Variants in SUPT5H observed in about 807,000 individuals in gnomAD.
SUPT5H encodes the protein transcription elongation factor SPT5.
A neutral mutation model predicts 142.5 loss-of-function variants in SUPT5H; 24 were observed. The ratio of observed to expected loss-of-function variants is 0.17; its 90% confidence interval spans 0.12 to 0.24. The LOEUF is 0.24. Among genes scored for constraint, SUPT5H ranks in the 10% least tolerant of loss-of-function variants. SUPT5H has a pLI of 1.00. For synonymous variants in SUPT5H, 546 were observed against 553.0 expected, an observed-to-expected ratio of 0.99 and a Z score of 0.18; for missense variants, 893 against 1,471.8, an observed-to-expected ratio of 0.61 and a Z score of 6.43.
rs961486634 is a variant in SUPT5H at position 39,470,491 on chromosome 19, G to A, written c.1645G>A (p.Val549Ile). The A allele has an allele frequency of 4.4e-6, 7 of 1,588,660 alleles. No homozygotes were observed. Among genetic ancestry groups the A allele is most frequent in the Non-Finnish European group, 6.0e-6 (7 of 1,167,140 alleles). ...LVQLDPQTVG[V>I]IVRLERETFQ... ...GCAGCTGGATCCCCAGACTGTGGGT[G>A]TCATCGTGCGACTAGAACGGGAGAC... Residue 549 changes from valine (V) to isoleucine (I), a missense_variant, in exon 18 of 30, where the codon GTC becomes ATC. Physicochemically the swap from Val to Ile is conservative, Grantham distance 29 (BLOSUM62 3). This residue lies in a region of SUPT5H where 428 missense variants were observed against 763.5 expected (regional missense o/e 0.56). Transcript: ENST00000432763. This position sits in a 1 kb window ranked among gnomAD's most constrained non-coding sequence, Gnocchi z 5.8.
rs1408492655 is a variant in SUPT5H, at chr19:39,458,284, C to G, written c.308-10C>G. The G allele has an allele frequency of 7.3e-7, 1 of 1,366,888 alleles. No homozygotes were observed. 84.7% of individuals were successfully genotyped at this position (1,366,888 alleles called of 1,614,324 possible). A position where few individuals can be genotyped will look rare whatever the true frequency, so the allele number is the denominator to read the frequency against. On this transcript the variant is annotated splice_polypyrimidine_tract_variant and intron_variant, in intron 4 of 29. Coordinates refer to ENST00000432763, the MANE Select transcript of SUPT5H (RefSeq NM_001111020.3). The surrounding 1 kb of genome is among the most constrained non-coding windows in gnomAD (Gnocchi z 4.2). ...CCACCACCACCACCACCTCCTCTTC[C>G]TCCAAGTAGAAGAGATTGAAGGTAA... is the stretch of plus-strand genomic sequence containing the variant.
chr19:39,458,743 C>G lies in SUPT5H; in HGVS notation c.320-75C>G, dbSNP rs1306333884. The G allele has an allele frequency of 2.1e-6, 3 of 1,410,800 alleles. No homozygotes were observed. The African/African-American group carries it at 4.3e-5, about 20-fold the overall frequency. The allele number at this position is 1,410,800 out of a possible 1,614,324, so 87.4% of individuals were successfully genotyped here. On this transcript the variant is annotated intron_variant, in intron 5 of 29. Coordinates refer to ENST00000432763, the MANE Select transcript of SUPT5H (RefSeq NM_001111020.3). The surrounding 1 kb of genome is among the most constrained non-coding windows in gnomAD (Gnocchi z 4.2). ...CAGGGCCAAACCCTGGCCCTCTTAG[C>G]TGCACGCTCCTATTTTCTCCAGGCC... is the stretch of plus-strand genomic sequence containing the variant.
chr19:39,471,281 C>G (rs1190264756), intron 18 of SUPT5H, 76 bp from the exon 19 acceptor site: 1 of 1,562,752 alleles, frequency 6.4e-7, no homozygotes, highest in South Asian at 1.1e-5. Context: ...AAGGATTATC[C>G]CACTTTAGGG....
At position 39,476,435 on chromosome 19, in the gene SUPT5H, G is replaced by A. The variant is rs770377847; in HGVS notation, c.*36G>A. ...GCCGGTGGACTTCGTCGGATGAAGAGTGATCCTCCTTCCTTCCCTGGCCCT... is the reference window on the plus strand; with the variant it reads ...GCCGGTGGACTTCGTCGGATGAAGAATGATCCTCCTTCCTTCCCTGGCCCT... On this transcript the variant is annotated 3_prime_UTR_variant, in exon 30 of 30. Transcript: ENST00000432763. 5.6e-6 allele frequency: 9 copies of A among 1,611,988 alleles called. No homozygotes were observed. Among genetic ancestry groups the A allele is most frequent in the Admixed American group, 5.0e-5 (3 of 59,994 alleles).
intron 2 of SUPT5H, among the ~76,000 whole-genome samples, chr19:39,450,463 A>C (rs1272399470): frequency 6.6e-6 from 1 of 152,204 alleles, no homozygotes. Flanking sequence ...TTTTATACAG[A>C]AAACCAGCAT....
In SUPT5H at chr19:39,474,809, C is replaced by A. The variant is rs117530152; in HGVS notation, c.3024+91C>A. 431 of 1,392,582 alleles carry A rather than the reference C, an allele frequency of 3.1e-4. 4 individuals are homozygous for A. In the East Asian group the frequency reaches 0.011, roughly 35 times the overall value. The allele number at this position is 1,392,582 out of a possible 1,614,324, so 86.3% of individuals were successfully genotyped here. ...AGACCTGTCCCCAGATGGTGACAGCCCAGAGTGGGCAGAGCTGGGATTGAG... is the reference window on the plus strand; with the variant it reads ...AGACCTGTCCCCAGATGGTGACAGCACAGAGTGGGCAGAGCTGGGATTGAG... On this transcript the variant is annotated intron_variant, in intron 28 of 29. Coordinates refer to ENST00000432763, the MANE Select transcript of SUPT5H (RefSeq NM_001111020.3). The surrounding 1 kb of genome is among the most constrained non-coding windows in gnomAD (Gnocchi z 6.5).
Position 39,474,967 on chromosome 19 carries a change from A to G in SUPT5H, c.3024+249A>G, listed in dbSNP as rs1001804768. ...CCTGACAAATGAATAGGAGTAAGCT[A>G]AGGAAAGTGACTGGGGTGAGTGAGT... On this transcript the variant is annotated intron_variant, in intron 28 of 29. Transcript: ENST00000432763. The surrounding 1 kb of genome is among the most constrained non-coding windows in gnomAD (Gnocchi z 6.5). 5.5e-5 allele frequency: 31 copies of G among 568,516 alleles called. No homozygotes were observed. Among genetic ancestry groups the G allele is most frequent in the African/African-American group, 5.3e-4 (28 of 53,244 alleles). 35.2% of individuals were successfully genotyped at this position (568,516 alleles called of 1,614,324 possible). A position where few individuals can be genotyped will look rare whatever the true frequency, so the allele number is the denominator to read the frequency against.
intron 3 of SUPT5H, among the ~76,000 whole-genome samples, chr19:39,454,353 GT>G (rs2079059077): frequency 7.1e-6 from 1 of 140,880 alleles, no homozygotes; most frequent in Non-Finnish European, 1.5e-5. Flanking sequence ...TGTTGTTGTC[GT>G]TGTTTTTTTT....
At position 39,466,462 on chromosome 19, in the gene SUPT5H, T is replaced by C. The variant is rs2079237651; in HGVS notation, c.877-18T>C. ...GAGGAGAGTGGGGCCCTGCTGACCTTCTGCTCGCCCTGCTCAGGTGGACTA... is the reference window on the plus strand; with the variant it reads ...GAGGAGAGTGGGGCCCTGCTGACCTCCTGCTCGCCCTGCTCAGGTGGACTA... On this transcript the variant is annotated intron_variant, in intron 11 of 29. Transcript: ENST00000432763. The surrounding 1 kb of genome is among the most constrained non-coding windows in gnomAD (Gnocchi z 4.3). The C allele has an allele frequency of 6.2e-7, 1 of 1,613,026 alleles. No homozygotes were observed. Among genetic ancestry groups the C allele is most frequent in the African/African-American group, 1.3e-5 (1 of 75,012 alleles).
intron 10 of SUPT5H, chr19:39,460,259 G>C (rs1324223593): frequency 2.5e-6 from 1 of 395,282 alleles, no homozygotes; most frequent in Non-Finnish European, 4.7e-6. Flanking sequence ...CTGTTCACCA[G>C]CCCTGTTGGG....
At chr19:39,448,248 T>TA (rs2078977628) in intron 2 of SUPT5H, among the ~76,000 whole-genome samples, 1 of 152,226 alleles carries the variant, frequency 6.6e-6, no homozygotes, top group South Asian at 2.1e-4. Flanking sequence ...CCCAGTCACT[T>TA]ATGTTGCCTG....
intron 14 of SUPT5H, 78 bp downstream of exon 14, chr19:39,468,939 A>G (rs967438533): frequency 1.9e-5 from 30 of 1,556,514 alleles, no homozygotes; most frequent in East Asian, 6.7e-5. Context: ...GCTGTGGGTT[A>G]TCTGGTTCTG....
At chr19:39,455,159 G>T (rs2079071199) in intron 3 of SUPT5H, among the ~76,000 whole-genome samples, 1 of 152,184 alleles carries the variant, frequency 6.6e-6, no homozygotes, top group South Asian at 2.1e-4. Flanking sequence ...TTAGGGCCTG[G>T]TTAAACAAAT....
At chr19:39,464,106 C>T (rs985541192) in intron 10 of SUPT5H, among the ~76,000 whole-genome samples, 1 of 151,602 alleles carries the variant, frequency 6.6e-6, no homozygotes, top group Non-Finnish European at 1.5e-5. Context: ...GCCTCAGCCT[C>T]CCGTGTAGCT....
intron 8 of SUPT5H, 73 bp downstream of exon 8, chr19:39,459,322 G>A: frequency 1.3e-6 from 2 of 1,524,966 alleles, no homozygotes; most frequent in Non-Finnish European, 1.8e-6. Flanking sequence ...CTAGACAGGT[G>A]GCTCCCTGAA....
Position 39,473,395 on chromosome 19 carries a change from C to T in SUPT5H, c.2387-21C>T. The T allele has an allele frequency of 6.2e-7, 1 of 1,613,228 alleles. No individual in the cohort carries two copies. The highest frequency in any genetic ancestry group is 8.5e-7 in the Non-Finnish European group (1 of 1,179,774). On this transcript the variant is annotated intron_variant, in intron 24 of 29. Coordinates refer to ENST00000432763, the MANE Select transcript of SUPT5H (RefSeq NM_001111020.3). This position sits in a 1 kb window ranked among gnomAD's most constrained non-coding sequence, Gnocchi z 5.8. Reference sequence around the variant, plus strand: ...ACCTAGAGAAGGGACAGGACAGACACACTCATTTCCCCCATTCCAGGTAGC... The same window carrying T: ...ACCTAGAGAAGGGACAGGACAGACATACTCATTTCCCCCATTCCAGGTAGC...
At position 39,473,558 on chromosome 19, in the gene SUPT5H, G is replaced by C. The variant is rs373745985; in HGVS notation, c.2492+37G>C. 129 of 1,590,130 alleles carry C rather than the reference G, an allele frequency of 8.1e-5. No individual in the cohort carries two copies. The highest frequency in any genetic ancestry group is 8.0e-5 in the African/African-American group (6 of 74,580). On this transcript the variant is annotated intron_variant, in intron 25 of 29. Transcript: ENST00000432763. The surrounding 1 kb of genome is among the most constrained non-coding windows in gnomAD (Gnocchi z 5.8). ...GTTCCCCAGGTTCTGGTGTGTGCTG[G>C]TGTGTGTGAGGGATGATGCTGGGTG...
rs1280190886 is a variant in SUPT5H at position 39,445,617 on chromosome 19, G to A, written c.-108G>A. The A allele has an allele frequency of 4.4e-6, 2 of 455,508 alleles. No individual in the cohort carries two copies. Among genetic ancestry groups the A allele is most frequent in the Non-Finnish European group, 8.1e-6 (2 of 246,724 alleles). The allele number at this position is 455,508 out of a possible 1,614,324, so 28.2% of individuals were successfully genotyped here. A position where few individuals can be genotyped will look rare whatever the true frequency, so the allele number is the denominator to read the frequency against. On this transcript the variant is annotated 5_prime_UTR_variant, in exon 1 of 30. Coordinates refer to ENST00000432763, the MANE Select transcript of SUPT5H (RefSeq NM_001111020.3). ...CGTGCGAACAGCAGCTGGTACCGAA[G>A]GCGGAGGTGGAGCCCGAGAGGTAAG...
intron 3 of SUPT5H, among the ~76,000 whole-genome samples, chr19:39,455,996 G>A (rs183092954): frequency 1.9e-3 from 252 of 134,352 alleles, no homozygotes; most frequent in African/African-American, 6.7e-3. Flanking sequence ...GTGTGATCTC[G>A]GCTCACTGCA....
Sources: allele counts gnomAD v4.1 joint callset (sites outside exome capture counted in the v4.1 genomes callset), GRCh38; gene constraint gnomAD v4.1.1; regional missense constraint gnomAD v4.1.1; non-coding constraint Gnocchi (gnomAD v3.1); transcripts MANE v1.5; gene names NCBI Gene and HGNC (gene_info 2026-07-23, HGNC 2026-07-21).